Variants in CADM2 observed in about 807,000 individuals in gnomAD.
CADM2 encodes the protein immunoglobulin superfamily member 4D.
Under a neutral mutation model 49.8 loss-of-function variants are expected in CADM2, and 12 were observed. That is an observed-to-expected ratio of 0.24 (90% CI 0.15 to 0.39). The LOEUF is 0.39. CADM2 is among the 10% of genes least tolerant of loss of function. The probability of loss-of-function intolerance (pLI) is 1.00; values close to 1 mark genes in which losing one functional copy is unlikely to be tolerated. For missense variants in CADM2, 378 were observed against 492.3 expected, an observed-to-expected ratio of 0.77 and a Z score of 2.20; for synonymous variants, 214 against 175.4, an observed-to-expected ratio of 1.22 and a Z score of -1.74.
intron 1 of CADM2, among the ~76,000 whole-genome samples, chr3:85,574,959 C>A (rs1330325312): frequency 6.6e-6 from 1 of 152,036 alleles, no homozygotes; most frequent in Non-Finnish European, 1.5e-5. Context: ...AGCTGATTAC[C>A]CTTATTGAGA....
chr3:86,021,247 G>A (rs1733129971), intron 8 of CADM2, among the ~76,000 whole-genome samples: 1 of 152,134 alleles, frequency 6.6e-6, no homozygotes, highest in African/African-American at 2.4e-5. Flanking sequence ...TGATTTGCCT[G>A]CCTCAGCCTC....
intron 3 of CADM2, among the ~76,000 whole-genome samples, chr3:85,863,475 G>T (rs1446498469): frequency 6.6e-6 from 1 of 152,116 alleles, no homozygotes; most frequent in African/African-American, 2.4e-5. Context: ...CCTCTTGAAT[G>T]GATTAATGCC....
At chr3:85,180,710 T>A (rs544828548) in intron 1 of CADM2, among the ~76,000 whole-genome samples, 47 of 152,224 alleles carry the variant, frequency 3.1e-4, no homozygotes, top group Non-Finnish European at 4.4e-4. Context: ...AAACAATATC[T>A]ATATCAAAAT....
At chr3:85,181,064 G>GA (rs1337542882) in intron 1 of CADM2, among the ~76,000 whole-genome samples, 1 of 152,140 alleles carries the variant, frequency 6.6e-6, no homozygotes, top group Non-Finnish European at 1.5e-5. Context: ...AGAACTCCCA[G>GA]AAATTCACTT....
At chr3:85,238,796 A>C (rs2107830682) in intron 1 of CADM2, among the ~76,000 whole-genome samples, 1 of 152,042 alleles carries the variant, frequency 6.6e-6, no homozygotes, top group Non-Finnish European at 1.5e-5. Context: ...TTTACTTTGC[A>C]GAATTGTGAT....
chr3:85,272,444 ATTG>A (rs1234927234), intron 1 of CADM2, among the ~76,000 whole-genome samples: 2 of 151,322 alleles, frequency 1.3e-5, no homozygotes, highest in African/African-American at 4.8e-5. Context: ...AAATCAGGTT[ATTG>A]TTAAGAGAAA....
chr3:85,755,279 T>C (rs1231295931), intron 2 of CADM2, among the ~76,000 whole-genome samples: 1 of 152,172 alleles, frequency 6.6e-6, no homozygotes, highest in Non-Finnish European at 1.5e-5. Context: ...TAGAACAATT[T>C]ACAGAACTCA....
intron 1 of CADM2, among the ~76,000 whole-genome samples, chr3:85,158,607 T>C (rs1290611420): frequency 1.3e-5 from 2 of 151,918 alleles, no homozygotes; most frequent in African/African-American, 4.8e-5. Context: ...AAACAAACAC[T>C]GCATATTCTG....
chr3:85,595,109 A>C (rs2063205691), intron 1 of CADM2, among the ~76,000 whole-genome samples: 1 of 152,032 alleles, frequency 6.6e-6, no homozygotes, highest in Admixed American at 6.6e-5. Context: ...TTATTCTGCT[A>C]GTTGATAATA....
intron 1 of CADM2, among the ~76,000 whole-genome samples, chr3:85,273,165 T>C (rs1032188463): frequency 8.6e-5 from 13 of 151,256 alleles, no homozygotes; most frequent in Admixed American, 4.6e-4. Flanking sequence ...TTAGTATGTT[T>C]AAGGAAATGA....
chr3:85,693,281 GAAGA>G (rs1331237933), intron 1 of CADM2, among the ~76,000 whole-genome samples: 8 of 150,556 alleles, frequency 5.3e-5, no homozygotes, highest in East Asian at 3.9e-4. Flanking sequence ...AGGAAGGAAT[GAAGA>G]AAGAAAGAAA....
chr3:86,004,068 T>C (rs1004177646), intron 8 of CADM2, among the ~76,000 whole-genome samples: 2 of 152,166 alleles, frequency 1.3e-5, no homozygotes, highest in African/African-American at 4.8e-5. Flanking sequence ...AGTATTGATA[T>C]TCTTTTATAA....
At chr3:85,150,942 A>AATAATAATG (rs1424315587) in intron 1 of CADM2, among the ~76,000 whole-genome samples, 1 of 149,380 alleles carries the variant, frequency 6.7e-6, no homozygotes, top group East Asian at 1.9e-4. Context: ...TAATAATAAT[A>AATAATAATG]ATAATAATAA....
At chr3:85,155,841 C>T (rs1242106464) in intron 1 of CADM2, among the ~76,000 whole-genome samples, 3 of 152,188 alleles carry the variant, frequency 2.0e-5, no homozygotes, top group Non-Finnish European at 4.4e-5. Flanking sequence ...TGAATGACTA[C>T]TGGGTACATA....
chr3:85,012,441 TTTA>T (rs1356230616), intron 1 of CADM2, among the ~76,000 whole-genome samples: 2 of 150,398 alleles, frequency 1.3e-5, no homozygotes, highest in Admixed American at 1.3e-4. Context: ...CCTTAAGACT[TTTA>T]TTTTTCACAG....
At chr3:85,804,395 A>G (rs530351982) in intron 3 of CADM2, among the ~76,000 whole-genome samples, 20 of 152,322 alleles carry the variant, frequency 1.3e-4, no homozygotes, top group African/African-American at 4.8e-4. Context: ...CTTGCTTATT[A>G]GCAGTTTTTG....
rs200001558 is a variant in CADM2, at chr3:85,884,241, AT to A, written c.391+805del. Among the ~76,000 whole-genome samples the A allele has an allele frequency of 8.2e-3, 1,248 of 152,198 alleles. 6 individuals carry two copies. Among genetic ancestry groups the A allele is most frequent in the Middle Eastern group, 0.037 (11 of 294 alleles). ...ACAAGTTAGAAGAATTTAAAGATTG[AT>A]TTTTTTCCCCCAAGCTTGCTGCCCT... is the stretch of plus-strand genomic sequence containing the variant. On this transcript the variant is annotated intron_variant, in intron 4 of 9. Coordinates refer to ENST00000383699, the MANE Select transcript of CADM2 (RefSeq NM_001167675.2).
intron 2 of CADM2, among the ~76,000 whole-genome samples, chr3:85,741,493 C>A (rs181998568): frequency 5.3e-4 from 80 of 152,190 alleles, no homozygotes; most frequent in Non-Finnish European, 9.3e-4. Context: ...CATGGTGAAA[C>A]CCCGTCTCTA....
intron 1 of CADM2, among the ~76,000 whole-genome samples, chr3:85,069,088 G>A (rs1362411306): frequency 2.6e-5 from 4 of 152,056 alleles, no homozygotes; most frequent in South Asian, 2.1e-4. Flanking sequence ...GCTCAATTAT[G>A]GCCGTTGATG....
Sources: gnomAD v4.1 joint callset for allele counts (sites outside exome capture counted in the v4.1 genomes callset) on GRCh38, gnomAD v4.1.1 for gene constraint, MANE v1.5 for transcripts, NCBI Gene and HGNC (gene_info 2026-07-23, HGNC 2026-07-21) for gene names.